The following BOC variants were observed in gnomAD, a reference collection of about 807,000 sequenced individuals.
BOC encodes the protein brother of CDO.
A neutral mutation model predicts 112.0 loss-of-function variants in BOC; 76 were observed. The observed-to-expected ratio is 0.68, with a 90% CI of 0.56 to 0.82. The LOEUF (loss-of-function observed/expected upper bound fraction) is 0.82, where lower values mean the gene tolerates loss of function less well. Among genes scored for constraint, BOC ranks in the 40% least tolerant of loss-of-function variants. The pLI, the probability that BOC is intolerant of heterozygous loss-of-function variation, is 0.00. For synonymous variants in BOC, 580 were observed against 599.8 expected (o/e 0.97, Z 0.48); for missense variants, 1,309 against 1,511.7 (o/e 0.87, Z 2.22).
chr3:113,249,596 G>T, intron 2 of BOC, 126 bp from the exon 3 acceptor site: 1 of 494,662 alleles, frequency 2.0e-6, no homozygotes, highest in Non-Finnish European at 3.5e-6. Flanking sequence ...CCAGCAGCAT[G>T]ACCGGGTCTC....
intron 6 of BOC, chr3:113,271,239 G>A: frequency 1.7e-6 from 1 of 578,284 alleles, no homozygotes; most frequent in Non-Finnish European, 3.3e-6. Flanking sequence ...GAATGTGTGT[G>A]CTGGGACAGG....
At chr3:113,261,530 T>A (rs1195005004) in intron 4 of BOC, among the ~76,000 whole-genome samples, 2 of 152,176 alleles carry the variant, frequency 1.3e-5, no homozygotes, top group Non-Finnish European at 2.9e-5. Flanking sequence ...ACCAGACATC[T>A]GTGTTCATCT....
At chr3:113,250,157 AC>A (rs1237484681) in intron 3 of BOC, among the ~76,000 whole-genome samples, 1 of 152,198 alleles carries the variant, frequency 6.6e-6, no homozygotes, top group African/African-American at 2.4e-5. Flanking sequence ...TTTATTGTGC[AC>A]TTACTGTACA....
chr3:113,278,614 T>G lies in BOC; in HGVS notation c.1706-59T>G. The G allele has an allele frequency of 1.4e-6, 2 of 1,413,420 alleles. No homozygotes were observed. The highest frequency in any genetic ancestry group is 2.0e-6 in the Non-Finnish European group (2 of 1,022,692). 87.6% of individuals were successfully genotyped at this position (1,413,420 alleles called of 1,614,324 possible). On this transcript the variant is annotated intron_variant, in intron 10 of 19. Coordinates refer to ENST00000682979, the MANE Select transcript of BOC (RefSeq NM_001378074.1). This position sits in a 1 kb window ranked among gnomAD's most constrained non-coding sequence, Gnocchi z 4.2. ...AGAGTCTCAGGCAAAAAGGACTCTG[T>G]GGGAGGGAGATCTCATGCCTGCTTC...
Position 113,278,693 on chromosome 3 carries a change from A to C in BOC, c.1726A>C (p.Ile576Leu), listed in dbSNP as rs374987295. 4.7e-5 allele frequency: 74 copies of C among 1,567,010 alleles called. No homozygotes were observed. In the African/African-American group the frequency reaches 9.2e-4, roughly 20 times the overall value. The change falls in exon 11 of 20, where the codon ATC (isoleucine) becomes CTC (leucine). Residue 576 changes from isoleucine to leucine, a missense_variant. By Grantham distance (5) the Ile-to-Leu change is conservative. Transcript: ENST00000682979. The surrounding 1 kb of genome is among the most constrained non-coding windows in gnomAD (Gnocchi z 4.2). ...FRTGRRPKPE[I>L]MASKEQQIQR... ...CCCAGGACGGCGGCCCAAACCCGAG[A>C]TCATGGCCAGCAAAGAGCAGCAGAT...
intron 4 of BOC, among the ~76,000 whole-genome samples, chr3:113,261,282 C>T (rs1376854540): frequency 6.6e-6 from 1 of 152,238 alleles, no homozygotes; most frequent in East Asian, 1.9e-4. Context: ...GTCCAGACCA[C>T]CAGGACTCAC....
At chr3:113,261,343 A>T (rs1221437805) in intron 4 of BOC, among the ~76,000 whole-genome samples, 1 of 152,194 alleles carries the variant, frequency 6.6e-6, no homozygotes, top group East Asian at 1.9e-4. Context: ...TGATCAGAGA[A>T]ATATGTGTGA....
rs769107624 is a variant in BOC at position 113,250,554 on chromosome 3, G to A, written c.98-1G>A. 2 of 1,607,608 alleles carry A rather than the reference G, an allele frequency of 1.2e-6. No individual in the cohort carries two copies. Among genetic ancestry groups the A allele is most frequent in the Non-Finnish European group, 1.7e-6 (2 of 1,176,620 alleles). On this transcript the variant is annotated splice_acceptor_variant, in intron 3 of 19. Transcript: ENST00000682979. LOFTEE classifies it high-confidence loss of function. Reference sequence around the variant, plus strand: ...TTGCTGCATCCCTGTTCTTCCTCCAGACGAGGTCCCTCAGGTCACCGTCCA... The same window carrying A: ...TTGCTGCATCCCTGTTCTTCCTCCAAACGAGGTCCCTCAGGTCACCGTCCA...
chr3:113,254,692 C>T (rs1946041132), intron 4 of BOC, among the ~76,000 whole-genome samples: 1 of 152,232 alleles, frequency 6.6e-6, no homozygotes, highest in South Asian at 2.1e-4. Flanking sequence ...GGCCTCTTCT[C>T]CACGCTGTCC....
chr3:113,266,708 G>A (rs959133465), intron 4 of BOC, among the ~76,000 whole-genome samples: 37 of 152,168 alleles, frequency 2.4e-4, no homozygotes, highest in African/African-American at 8.4e-4. Flanking sequence ...CCAGGACCTG[G>A]GTTAGGTTCA....
At chr3:113,248,234 A>C (rs1324569798) in intron 2 of BOC, among the ~76,000 whole-genome samples, 1 of 152,190 alleles carries the variant, frequency 6.6e-6, no homozygotes, top group Non-Finnish European at 1.5e-5. Flanking sequence ...GTTTAGGTTA[A>C]TCCGAAGCAC....
intron 16 of BOC, among the ~76,000 whole-genome samples, chr3:113,283,897 A>C (rs1401776155): frequency 6.6e-6 from 1 of 151,662 alleles, no homozygotes; most frequent in African/African-American, 2.4e-5. Context: ...AAGTGTCCGA[A>C]GCTGCTCCTC....
In BOC at chr3:113,273,082, C is replaced by A; in HGVS notation, c.975C>A (p.Val325=). The stretch of plus-strand genomic sequence containing the variant: ...GTTTCCTGGCAGAACCCCCTGAGGT[C>A]ACCATGGAGCTATCCCAGCTGGTCA... ...YNVQVFEPPE[V]TMELSQLVIP... is the part of the protein sequence containing the mutation. Residue 325 remains valine, a synonymous_variant, in exon 8 of 20, where the codon GTC becomes GTA. Transcript: ENST00000682979. 1 of 1,600,294 alleles carries A rather than the reference C, an allele frequency of 6.2e-7. No homozygotes were observed. Among genetic ancestry groups the A allele is most frequent in the Non-Finnish European group, 8.6e-7 (1 of 1,168,756 alleles).
chr3:113,278,632 C>G lies in BOC; in HGVS notation c.1706-41C>G. 1 of 1,506,508 alleles carries G rather than the reference C, an allele frequency of 6.6e-7. No individual in the cohort carries two copies. The highest frequency in any genetic ancestry group is 2.0e-5 in the Admixed American group (1 of 50,876). The allele number at this position is 1,506,508 out of a possible 1,614,324, so 93.3% of individuals were successfully genotyped here. ...GACTCTGTGGGAGGGAGATCTCATG[C>G]CTGCTTCCTCCCTTGCTGACTACAA... On this transcript the variant is annotated intron_variant, in intron 10 of 19. Coordinates refer to ENST00000682979, the MANE Select transcript of BOC (RefSeq NM_001378074.1). This position sits in a 1 kb window ranked among gnomAD's most constrained non-coding sequence, Gnocchi z 4.2.
chr3:113,233,148 GGTGTGTGTGT>G (rs59444901), intron 2 of BOC, among the ~76,000 whole-genome samples: 3,424 of 124,012 alleles, frequency 0.028, 154 homozygotes, highest in African/African-American at 0.096. Context: ...AAAGGATTGG[GGTGTGTGTGT>G]GTGTGTGTGT....
At chr3:113,267,995 G>A (rs1424886232) in intron 4 of BOC, among the ~76,000 whole-genome samples, 1 of 152,150 alleles carries the variant, frequency 6.6e-6, no homozygotes, top group Non-Finnish European at 1.5e-5. Flanking sequence ...TGTAAGCAGA[G>A]CCAACTTGCC....
chr3:113,237,310 C>G (rs1456121606), intron 2 of BOC, among the ~76,000 whole-genome samples: 2 of 152,178 alleles, frequency 1.3e-5, no homozygotes, highest in Non-Finnish European at 2.9e-5. Context: ...TCCCATCCCC[C>G]CTGCCCTTCT....
In BOC at chr3:113,285,496, C is replaced by T; in HGVS notation, c.3091C>T (p.Gln1031Ter). Residue 1031 changes from glutamine (Q) to a stop codon, truncating the protein, a stop_gained, in exon 19 of 20, where the codon CAG (glutamine) becomes TAG (stop). Transcript: ENST00000682979. LOFTEE classifies it high-confidence loss of function. ...QRQEQPAAVGQSGVRRAPDSP... is the reference protein window; with the variant it reads ...QRQEQPAAVG ...CCAGGAGCAGCCTGCTGCTGTGGGCCAGTCAGGGGTGAGGAGAGCCCCCGA... is the reference window on the plus strand; with the variant it reads ...CCAGGAGCAGCCTGCTGCTGTGGGCTAGTCAGGGGTGAGGAGAGCCCCCGA... 6.2e-7 allele frequency: 1 copy of T among 1,613,938 alleles called. No individual in the cohort carries two copies. Among genetic ancestry groups the T allele is most frequent in the Middle Eastern group, 1.7e-4 (1 of 6,048 alleles).
intron 4 of BOC, 115 bp from the exon 5 acceptor site, chr3:113,268,184 A>T (rs2107621998): frequency 1.4e-6 from 2 of 1,463,504 alleles, no homozygotes; most frequent in Non-Finnish European, 1.8e-6. Flanking sequence ...ATCCCCTGAT[A>T]TCCCCCTAGG....
Sources: gnomAD v4.1 joint callset for allele counts (sites outside exome capture counted in the v4.1 genomes callset) on GRCh38, gnomAD v4.1.1 for gene constraint, Gnocchi (gnomAD v3.1) non-coding constraint, MANE v1.5 for transcripts, NCBI Gene and HGNC (gene_info 2026-07-23, HGNC 2026-07-21) for gene names.